ASTN2: variants seen among roughly 807,000 people sequenced by gnomAD.
ASTN2 encodes the protein astrotactin 2, also known as astrotactin-2.
Under a neutral mutation model 139.8 loss-of-function variants are expected in ASTN2, and 54 were observed. That is an observed-to-expected ratio of 0.39 (90% CI 0.31 to 0.48). The LOEUF (loss-of-function observed/expected upper bound fraction) is 0.48, where lower values mean the gene tolerates loss of function less well. ASTN2 is among the 20% of genes least tolerant of loss of function. The probability of loss-of-function intolerance (pLI) is 0.95; values close to 1 mark genes in which losing one functional copy is unlikely to be tolerated. For synonymous variants in ASTN2, 756 were observed against 719.5 expected, an observed-to-expected ratio of 1.05 and a Z score of -0.81; for missense variants, 1,565 against 1,725.1, an observed-to-expected ratio of 0.91 and a Z score of 1.64.
intron 4 of ASTN2, among the ~76,000 whole-genome samples, chr9:117,103,145 C>T (rs1281454106): frequency 6.6e-6 from 1 of 152,152 alleles, no homozygotes; most frequent in Non-Finnish European, 1.5e-5. Context: ...ATTCTTTAAA[C>T]AATCATTTAC....
At chr9:116,616,755 T>C (rs1033176520) in intron 19 of ASTN2, among the ~76,000 whole-genome samples, 2 of 150,604 alleles carry the variant, frequency 1.3e-5, no homozygotes, top group African/African-American at 4.9e-5. Context: ...TCTGCTATTA[T>C]AAAACAGCAC....
chr9:116,524,292 G>A (rs985525565), intron 19 of ASTN2, among the ~76,000 whole-genome samples: 2 of 152,106 alleles, frequency 1.3e-5, no homozygotes, highest in African/African-American at 2.4e-5. Context: ...TAGGTGCTAC[G>A]TGAAATGTAA....
intron 4 of ASTN2, among the ~76,000 whole-genome samples, chr9:117,131,346 T>C (rs912608962): frequency 6.6e-6 from 1 of 152,114 alleles, no homozygotes; most frequent in Non-Finnish European, 1.5e-5. Context: ...ACTGACAAAA[T>C]AGATGCTGTA....
At chr9:117,164,731 A>T (rs985355180) in intron 3 of ASTN2, among the ~76,000 whole-genome samples, 8 of 151,840 alleles carry the variant, frequency 5.3e-5, no homozygotes, top group Non-Finnish European at 1.0e-4. Context: ...CTTTGGTGAA[A>T]TTTTCCTGGC....
intron 7 of ASTN2, among the ~76,000 whole-genome samples, chr9:116,978,495 G>GCACACACACA (rs5900243): frequency 2.2e-4 from 28 of 127,644 alleles, no homozygotes; most frequent in African/African-American, 7.3e-4. Flanking sequence ...TCTCTCTCAC[G>GCACACACACA]CACACACACA....
intron 4 of ASTN2, among the ~76,000 whole-genome samples, chr9:117,128,788 T>C (rs550450985): frequency 6.6e-6 from 1 of 152,320 alleles, no homozygotes; most frequent in East Asian, 1.9e-4. Context: ...ACAGTTCCAG[T>C]TGGTGTAGAA....
chr9:117,006,471 A>C (rs1588474979), intron 7 of ASTN2, among the ~76,000 whole-genome samples: 1 of 152,116 alleles, frequency 6.6e-6, no homozygotes, highest in East Asian at 1.9e-4. Flanking sequence ...GTATACTCTT[A>C]AATGTATCCA....
At chr9:116,768,072 T>A (rs1281323905) in intron 13 of ASTN2, among the ~76,000 whole-genome samples, 1 of 152,144 alleles carries the variant, frequency 6.6e-6, no homozygotes, top group African/African-American at 2.4e-5. Flanking sequence ...CACTTAGCAG[T>A]CTAGTAGGGA....
chr9:116,678,399 G>T (rs759051442), intron 16 of ASTN2, among the ~76,000 whole-genome samples: 2 of 152,160 alleles, frequency 1.3e-5, no homozygotes, highest in Non-Finnish European at 1.5e-5. Context: ...AAAAATAAAA[G>T]TTGCTAAGAG....
intron 1 of ASTN2, among the ~76,000 whole-genome samples, chr9:117,374,244 A>G (rs1241356616): frequency 2.0e-5 from 3 of 152,036 alleles, no homozygotes; most frequent in Non-Finnish European, 4.4e-5. Context: ...GATTCACCCC[A>G]GTCTCTGCCT....
At chr9:116,535,100 C>G (rs1052466631) in intron 19 of ASTN2, among the ~76,000 whole-genome samples, 1 of 152,176 alleles carries the variant, frequency 6.6e-6, no homozygotes, top group African/African-American at 2.4e-5. Context: ...GAATTGGTCC[C>G]TTTACCATTA....
At chr9:116,737,804 T>C (rs1461195014) in intron 13 of ASTN2, among the ~76,000 whole-genome samples, 2 of 152,156 alleles carry the variant, frequency 1.3e-5, no homozygotes, top group Non-Finnish European at 2.9e-5. Flanking sequence ...TTCTCACTTA[T>C]AACTGTGAAC....
chr9:116,548,624 C>T (rs886297622), intron 19 of ASTN2, among the ~76,000 whole-genome samples: 1 of 152,122 alleles, frequency 6.6e-6, no homozygotes, highest in Non-Finnish European at 1.5e-5. Context: ...AGGTGCCCCC[C>T]ACTATGCTCG....
intron 8 of ASTN2, 140 bp from the exon 9 acceptor site, chr9:116,976,328 A>G (rs1836341156): frequency 1.5e-6 from 1 of 673,334 alleles, no homozygotes; most frequent in Non-Finnish European, 2.6e-6. Flanking sequence ...CTTATATTAT[A>G]AAAGAATGTC....
intron 10 of ASTN2, among the ~76,000 whole-genome samples, chr9:116,939,670 A>G (rs1053364330): frequency 6.6e-6 from 1 of 152,100 alleles, no homozygotes; most frequent in Admixed American, 6.6e-5. Flanking sequence ...GGTGGCAAAA[A>G]CCTACTATGT....
At chr9:116,673,230 T>C (rs1431789645) in intron 16 of ASTN2, among the ~76,000 whole-genome samples, 1 of 152,216 alleles carries the variant, frequency 6.6e-6, no homozygotes, top group Non-Finnish European at 1.5e-5. Context: ...AATAATTCCA[T>C]TCATTCCTTC....
chr9:116,570,676 C>T (rs1163431790), intron 19 of ASTN2, among the ~76,000 whole-genome samples: 3 of 152,172 alleles, frequency 2.0e-5, no homozygotes, highest in African/African-American at 7.2e-5. Flanking sequence ...GGATTACAGG[C>T]GTGAGCCACC....
At chr9:117,182,772 C>G (rs1014102056) in intron 3 of ASTN2, among the ~76,000 whole-genome samples, 5 of 152,216 alleles carry the variant, frequency 3.3e-5, no homozygotes, top group African/African-American at 1.2e-4. Flanking sequence ...CTTGCAGTGT[C>G]TCGGTGCCCC....
intron 11 of ASTN2, among the ~76,000 whole-genome samples, chr9:116,833,721 T>C (rs1444302221): frequency 2.6e-5 from 4 of 152,204 alleles, no homozygotes; most frequent in Non-Finnish European, 4.4e-5. Context: ...TCTAAGTATT[T>C]GAAGATTTTT....
Sources: allele counts gnomAD v4.1 joint callset (sites outside exome capture counted in the v4.1 genomes callset), GRCh38; gene constraint gnomAD v4.1.1; transcripts MANE v1.5; gene names NCBI Gene and HGNC (gene_info 2026-07-23, HGNC 2026-07-21).